The following PTPRA variants were observed in gnomAD, a reference collection of about 807,000 sequenced individuals.
PTPRA encodes the protein protein tyrosine phosphatase receptor type A, also known as receptor-type tyrosine-protein phosphatase alpha.
PTPRA carries 25 observed loss-of-function variants against 104.8 expected under a neutral mutation model. The ratio of observed to expected loss-of-function variants is 0.24; its 90% confidence interval spans 0.17 to 0.33. The LOEUF (loss-of-function observed/expected upper bound fraction) is 0.33. Among genes scored for constraint, PTPRA ranks in the 10% least tolerant of loss-of-function variants. PTPRA has a pLI of 1.00. For missense variants in PTPRA, 765 were observed against 1,015.3 expected (o/e 0.75, Z 3.35); for synonymous variants, 323 against 368.9 (o/e 0.88, Z 1.43).
At chr20:2,942,220 A>G (rs1331120136) in intron 2 of PTPRA, among the ~76,000 whole-genome samples, 4 of 152,198 alleles carry the variant, frequency 2.6e-5, no homozygotes, top group Non-Finnish European at 5.9e-5. Context: ...ATGTTTTCCA[A>G]TAATGGACCA....
At chr20:2,864,718 C>T in the PTPRA span, 1 of 1,548,184 alleles carries the variant, frequency 6.5e-7, no homozygotes, top group East Asian at 2.2e-5. The surrounding 1 kb of genome is among the most constrained non-coding windows in gnomAD (Gnocchi z 5.2). Context: ...TGGTCCGGTT[C>T]CTTCAGGAAT....
intron 16 of PTPRA, 87 bp from the exon 17 acceptor site, chr20:3,024,385 T>A (rs988663283): frequency 1.5e-6 from 2 of 1,329,534 alleles, no homozygotes; most frequent in African/African-American, 1.5e-5. Flanking sequence ...AGAAATGGAC[T>A]GGAGTGAAGT....
At chr20:2,920,552 C>G (rs966684787) in intron 1 of PTPRA, among the ~76,000 whole-genome samples, 8 of 152,112 alleles carry the variant, frequency 5.3e-5, no homozygotes, top group African/African-American at 1.9e-4. Flanking sequence ...GATGGGACAC[C>G]AGGAACACCA....
intron 11 of PTPRA, among the ~76,000 whole-genome samples, chr20:3,007,828 CTG>C (rs3055409): frequency 0.57 from 85,765 of 150,096 alleles, 25,101 homozygotes; most frequent in East Asian, 0.8. Flanking sequence ...GTGTGTGTGT[CTG>C]TGTGTGTGTA....
chr20:3,027,998 G>A (rs1194416169), intron 20 of PTPRA, among the ~76,000 whole-genome samples, 157 bp downstream of exon 20: 2 of 152,190 alleles, frequency 1.3e-5, no homozygotes, highest in Non-Finnish European at 2.9e-5. Context: ...CATACTTAAA[G>A]GTATATAAAT....
At chr20:2,945,822 G>A (rs997205246) in intron 2 of PTPRA, among the ~76,000 whole-genome samples, 3 of 151,738 alleles carry the variant, frequency 2.0e-5, no homozygotes, top group Non-Finnish European at 2.9e-5. Context: ...CCAGCTACTC[G>A]AGAGGCTGCG....
intron 1 of PTPRA, among the ~76,000 whole-genome samples, chr20:2,915,322 ATCCAATAATGGG>A (rs1367225759): frequency 1.3e-5 from 2 of 152,220 alleles, no homozygotes; most frequent in Non-Finnish European, 2.9e-5. Context: ...TTATCTATTC[ATCCAATAATGGG>A]CATTTAGGTT....
At chr20:3,017,361 C>T (rs1177394249) in intron 12 of PTPRA, among the ~76,000 whole-genome samples, 3 of 152,030 alleles carry the variant, frequency 2.0e-5, no homozygotes, top group Admixed American at 6.6e-5. Context: ...AGTGACTTTC[C>T]GAAAAAGGTT....
intron 1 of PTPRA, among the ~76,000 whole-genome samples, chr20:2,874,088 T>A (rs765773121): frequency 2.8e-4 from 42 of 152,100 alleles, no homozygotes; most frequent in Non-Finnish European, 5.4e-4. Flanking sequence ...GAACAGAATT[T>A]GCTCAGGTCC....
chr20:2,937,046 A>G (rs1484137716), intron 2 of PTPRA, among the ~76,000 whole-genome samples: 1 of 151,860 alleles, frequency 6.6e-6, no homozygotes, highest in African/African-American at 2.4e-5. Flanking sequence ...CAGTCTATTA[A>G]TATCAACTTT....
At chr20:3,036,002 C>T in intron 22 of PTPRA, 61 bp downstream of exon 22, 1 of 1,608,214 alleles carries the variant, frequency 6.2e-7, no homozygotes, top group East Asian at 2.2e-5. Context: ...ATAGGGGAAG[C>T]TGATGACCAT....
chr20:2,966,206 C>T (rs1377756518), intron 5 of PTPRA, among the ~76,000 whole-genome samples: 1 of 152,166 alleles, frequency 6.6e-6, no homozygotes. Flanking sequence ...GACAAGACAG[C>T]ATTTGCAGTT....
chr20:2,873,363 T>C (rs563976946), upstream of PTPRA: 2 of 152,220 alleles, frequency 1.3e-5, no homozygotes, highest in South Asian at 4.1e-4. This position sits in a 1 kb window ranked among gnomAD's most constrained non-coding sequence, Gnocchi z 4.4. Flanking sequence ...AGCCGGCAAG[T>C]GAGCGCCCAG....
intron 1 of PTPRA, among the ~76,000 whole-genome samples, chr20:2,909,867 TATA>T (rs1327647572): frequency 1.1e-4 from 15 of 134,104 alleles, no homozygotes; most frequent in African/African-American, 3.7e-4. Context: ...TATTATATAA[TATA>T]ATTAAAATAT....
intron 3 of PTPRA, among the ~76,000 whole-genome samples, chr20:2,956,364 C>T (rs528993665): frequency 1.4e-4 from 22 of 152,282 alleles, no homozygotes; most frequent in South Asian, 2.1e-4. Flanking sequence ...GCTGCCTCCT[C>T]GAGCCTCATT....
chr20:2,960,842 T>A lies in PTPRA; in HGVS notation c.-6-3430T>A, dbSNP rs116984114. Among the ~76,000 whole-genome samples, 352 of 152,156 alleles carry A rather than the reference T, an allele frequency of 2.3e-3. No homozygotes were observed. The Middle Eastern group carries it at 0.024, about 10-fold the overall frequency. On this transcript the variant is annotated intron_variant, in intron 3 of 23. Transcript: ENST00000399903. ...ATGAGTCACCGCACCTGGCCTTTTT[T>A]ATTTTCTTTTTTTTTTTTTAACCAG...
At chr20:2,876,186 T>C (rs908738239) in intron 1 of PTPRA, among the ~76,000 whole-genome samples, 14 of 152,210 alleles carry the variant, frequency 9.2e-5, no homozygotes, top group African/African-American at 3.4e-4. Flanking sequence ...TCACAGCCTC[T>C]TAGACCCAGA....
chr20:2,891,647 A>C (rs149669835), intron 1 of PTPRA, among the ~76,000 whole-genome samples: 3 of 152,332 alleles, frequency 2.0e-5, no homozygotes, highest in African/African-American at 7.2e-5. Flanking sequence ...ACACATTGGC[A>C]TGTGTAGATT....
At chr20:2,915,059 G>A (rs746356895) in intron 1 of PTPRA, among the ~76,000 whole-genome samples, 1 of 151,744 alleles carries the variant, frequency 6.6e-6, no homozygotes, top group Admixed American at 6.6e-5. Context: ...TTTATAGCAT[G>A]TATCAGTACT....
Sources: allele counts gnomAD v4.1 joint callset (sites outside exome capture counted in the v4.1 genomes callset), GRCh38; gene constraint gnomAD v4.1.1; non-coding constraint Gnocchi (gnomAD v3.1); transcripts MANE v1.5; gene names NCBI Gene and HGNC (gene_info 2026-07-23, HGNC 2026-07-21).